Variants in NBEA observed in about 807,000 individuals in gnomAD.
NBEA encodes the protein lysosomal-trafficking regulator 2.
In NBEA, 44 loss-of-function variants were observed where a neutral mutation model predicts 343.4. The ratio of observed to expected loss-of-function variants is 0.13; its 90% CI spans 0.10 to 0.16. The LOEUF (loss-of-function observed/expected upper bound fraction) is 0.16. Ranked by LOEUF, NBEA falls within the 10% of genes least tolerant of loss-of-function variation. The pLI is 1.00. For synonymous variants in NBEA, 1,175 were observed against 1,238.7 expected (o/e 0.95, Z 1.08); for missense variants, 2,555 against 3,631.3 (o/e 0.70, Z 7.62).
chr13:35,364,160 ATC>A (rs2040972106), intron 38 of NBEA, among the ~76,000 whole-genome samples: 1 of 151,874 alleles, frequency 6.6e-6, no homozygotes, highest in Admixed American at 6.6e-5. Flanking sequence ...AACAAATTTC[ATC>A]TCTCCCATTT....
chr13:35,443,764 A>G (rs1324250574), intron 39 of NBEA, among the ~76,000 whole-genome samples: 2 of 151,966 alleles, frequency 1.3e-5, no homozygotes, highest in African/African-American at 4.8e-5. Flanking sequence ...ATTTCTGGTC[A>G]TTCTTTCTAA....
chr13:35,229,510 G>A (rs2074849893), intron 33 of NBEA, among the ~76,000 whole-genome samples: 1 of 151,992 alleles, frequency 6.6e-6, no homozygotes, highest in African/African-American at 2.4e-5. Flanking sequence ...ATTTTAAGGA[G>A]AAAATTTTAT....
At chr13:35,314,497 A>G (rs2037587473) in intron 36 of NBEA, among the ~76,000 whole-genome samples, 1 of 152,066 alleles carries the variant, frequency 6.6e-6, no homozygotes, top group Admixed American at 6.6e-5. Context: ...TTCTCCCAGT[A>G]CCTCAATTTT....
chr13:35,622,319 G>T (rs374282294), intron 48 of NBEA, among the ~76,000 whole-genome samples: 3 of 152,248 alleles, frequency 2.0e-5, no homozygotes, highest in East Asian at 3.9e-4. Context: ...GAGTCACATA[G>T]GTTATGCTGG....
chr13:35,191,976 A>G (rs1286170260), intron 30 of NBEA, among the ~76,000 whole-genome samples: 1 of 152,052 alleles, frequency 6.6e-6, no homozygotes, highest in African/African-American at 2.4e-5. Flanking sequence ...GTATTAGATG[A>G]ACTCATTATA....
At chr13:35,340,844 G>C (rs1404156728) in intron 36 of NBEA, among the ~76,000 whole-genome samples, 1 of 151,792 alleles carries the variant, frequency 6.6e-6, no homozygotes, top group Non-Finnish European at 1.5e-5. Context: ...TATATATAAG[G>C]TCAATGCACT....
chr13:35,572,911 A>C (rs2153030844), intron 45 of NBEA, among the ~76,000 whole-genome samples: 1 of 152,314 alleles, frequency 6.6e-6, no homozygotes, highest in African/African-American at 2.4e-5. Flanking sequence ...ACTTGATCAT[A>C]ATCTACCTAA....
chr13:35,213,135 G>A (rs1359321154), intron 33 of NBEA, among the ~76,000 whole-genome samples: 3 of 152,082 alleles, frequency 2.0e-5, no homozygotes, highest in Admixed American at 1.3e-4. Context: ...ATATTTAGAT[G>A]TGTAATCCAT....
intron 49 of NBEA, among the ~76,000 whole-genome samples, chr13:35,631,311 G>T (rs765716840): frequency 2.8e-4 from 42 of 152,130 alleles, no homozygotes; most frequent in Non-Finnish European, 1.0e-4. Flanking sequence ...CATTCTTGTT[G>T]AGTTCCTGGA....
chr13:35,010,785 G>C (rs2061472355), intron 1 of NBEA, among the ~76,000 whole-genome samples: 1 of 122,708 alleles, frequency 8.1e-6, no homozygotes, highest in African/African-American at 3.3e-5. Flanking sequence ...TATATAAGCT[G>C]GGTGTGGTGG....
chr13:35,572,749 T>G (rs2080501086), intron 45 of NBEA, among the ~76,000 whole-genome samples: 1 of 145,136 alleles, frequency 6.9e-6, no homozygotes, highest in Non-Finnish European at 1.5e-5. Flanking sequence ...TGTTGTTGTT[T>G]TTGAGATGGA....
At chr13:35,329,102 C>T (rs1295685906) in intron 36 of NBEA, among the ~76,000 whole-genome samples, 1 of 151,846 alleles carries the variant, frequency 6.6e-6, no homozygotes, top group East Asian at 1.9e-4. Flanking sequence ...AATGTTCCAC[C>T]TTATTAGTCG....
chr13:35,354,005 C>T (rs1016939004), intron 38 of NBEA, among the ~76,000 whole-genome samples: 5 of 152,200 alleles, frequency 3.3e-5, no homozygotes, highest in Non-Finnish European at 5.9e-5. Flanking sequence ...CTCCGGGAAA[C>T]CTCAGCTTTT....
intron 38 of NBEA, among the ~76,000 whole-genome samples, chr13:35,406,126 A>C (rs191158805): frequency 7.9e-5 from 12 of 152,272 alleles, no homozygotes; most frequent in African/African-American, 2.9e-4. Context: ...CTTATTGAAT[A>C]AAGCTAAAAA....
intron 41 of NBEA, among the ~76,000 whole-genome samples, chr13:35,496,375 A>C (rs1402837612): frequency 6.6e-6 from 1 of 151,826 alleles, no homozygotes; most frequent in African/African-American, 2.4e-5. Flanking sequence ...GGGCTCACTC[A>C]TATAATCCCA....
At chr13:35,271,345 T>C (rs940132930) in intron 34 of NBEA, among the ~76,000 whole-genome samples, 1 of 152,018 alleles carries the variant, frequency 6.6e-6, no homozygotes, top group African/African-American at 2.4e-5. Flanking sequence ...CAAAATCCCA[T>C]CCATAGGTCA....
At chr13:35,227,417 G>A (rs1433873819) in intron 33 of NBEA, among the ~76,000 whole-genome samples, 1 of 151,802 alleles carries the variant, frequency 6.6e-6, no homozygotes, top group African/African-American at 2.4e-5. Context: ...TCTTAATCTT[G>A]TCTTTTCATC....
chr13:35,415,305 GC>G (rs1164779723), intron 38 of NBEA, among the ~76,000 whole-genome samples: 5 of 152,114 alleles, frequency 3.3e-5, no homozygotes, highest in Admixed American at 3.3e-4. Context: ...TGAAGTCCTT[GC>G]CCATGCCTAT....
chr13:35,056,978 C>G (rs1223809069), intron 7 of NBEA, among the ~76,000 whole-genome samples: 1 of 152,020 alleles, frequency 6.6e-6, no homozygotes, highest in African/African-American at 2.4e-5. Flanking sequence ...AGTATATTAG[C>G]AGGGGAAGAA....
Sources: allele counts gnomAD v4.1 joint callset (sites outside exome capture counted in the v4.1 genomes callset), GRCh38; gene constraint gnomAD v4.1.1; transcripts MANE v1.5; gene names NCBI Gene and HGNC (gene_info 2026-07-23, HGNC 2026-07-21).